CHIC1: variants seen among roughly 807,000 people sequenced by gnomAD.
The protein encoded by CHIC1 is cysteine rich hydrophobic domain 1.
In CHIC1, 7 loss-of-function variants were observed where a neutral mutation model predicts 18.5. That is an observed-to-expected ratio of 0.38 (90% CI 0.22 to 0.71). The LOEUF (loss-of-function observed/expected upper bound fraction) is 0.71. CHIC1 is among the 30% of genes least tolerant of loss of function. CHIC1 has a pLI of 0.49. For missense variants in CHIC1, 159 were observed against 176.9 expected (o/e 0.90, Z 0.57); for synonymous variants, 77 against 73.5 (o/e 1.05, Z -0.25).
chrX:73,670,865 G>A (rs2058026707), intron 3 of CHIC1, among the ~76,000 whole-genome samples: 1 of 111,498 alleles, frequency 9.0e-6, no homozygotes, highest in African/African-American at 3.3e-5. Context: ...TTCTGTGGTG[G>A]TCTGAGAAGA....
At chrX:73,644,825 C>T (rs1429620578) in intron 3 of CHIC1, among the ~76,000 whole-genome samples, 1 of 110,946 alleles carries the variant, frequency 9.0e-6, no homozygotes, top group Non-Finnish European at 1.9e-5. Flanking sequence ...TTTGGAAAAG[C>T]GCAGTATTAG....
intron 3 of CHIC1, among the ~76,000 whole-genome samples, chrX:73,647,441 C>G (rs1005219627): frequency 8.9e-5 from 10 of 112,087 alleles, no homozygotes; most frequent in Non-Finnish European, 1.7e-4. Flanking sequence ...CTGGGACTGA[C>G]AGCTGCCTAA....
chrX:73,575,800 C>G (rs2057494699), intron 1 of CHIC1, among the ~76,000 whole-genome samples: 1 of 109,459 alleles, frequency 9.1e-6, no homozygotes, highest in Non-Finnish European at 1.9e-5. Flanking sequence ...TTTTCAAATG[C>G]TATTCTTTGT....
chrX:73,563,194 T>G, upstream of CHIC1: 26 of 819,964 alleles, frequency 3.2e-5, no homozygotes, highest in Non-Finnish European at 3.8e-5. Flanking sequence ...ACCCCTCCTC[T>G]TTCTCTTCAT....
Position 73,601,584 on chromosome X carries a change from A to G in CHIC1, c.507+17012A>G, listed in dbSNP as rs1320010875. Among the ~76,000 whole-genome samples, 78 of 105,701 alleles carry G rather than the reference A, an allele frequency of 7.4e-4. 5 individuals carry two copies. Among genetic ancestry groups the G allele is most frequent in the African/African-American group, 2.6e-3 (70 of 26,891 alleles). The allele number at this position is 105,701 out of a possible 115,157, so 91.8% of individuals were successfully genotyped here. ...CAGTGTGTGGAGGGAAATTTATAGCACTAAATGCCCACAAGAGAAAGCAGG... is the reference window on the plus strand; with the variant it reads ...CAGTGTGTGGAGGGAAATTTATAGCGCTAAATGCCCACAAGAGAAAGCAGG... On this transcript the variant is annotated intron_variant, in intron 3 of 5. Transcript: ENST00000373502.
At chrX:73,565,564 C>A (rs979746530) in intron 1 of CHIC1, among the ~76,000 whole-genome samples, 8 of 111,690 alleles carry the variant, frequency 7.2e-5, no homozygotes, top group African/African-American at 2.6e-4. Context: ...ACTTTGGAAA[C>A]TTATTTAGTT....
At chrX:73,662,578 G>GT (rs759927503) in intron 3 of CHIC1, among the ~76,000 whole-genome samples, 8 of 107,137 alleles carry the variant, frequency 7.5e-5, no homozygotes, top group Non-Finnish European at 1.5e-4. Flanking sequence ...AACAGATTTT[G>GT]TAACTTATCA....
chrX:73,674,463 AG>A (rs749493123), intron 3 of CHIC1, among the ~76,000 whole-genome samples: 4 of 111,581 alleles, frequency 3.6e-5, no homozygotes, highest in Non-Finnish European at 7.5e-5. Context: ...TAGTCTTGGG[AG>A]GGTGTATGTG....
chrX:73,677,300 C>A (rs935708973), intron 3 of CHIC1, among the ~76,000 whole-genome samples: 2 of 112,282 alleles, frequency 1.8e-5, no homozygotes, highest in African/African-American at 6.5e-5. Context: ...TTACTGCTGT[C>A]TTTTTGTTTG....
At chrX:73,664,843 CTCA>C (rs1415176531) in intron 3 of CHIC1, among the ~76,000 whole-genome samples, 1 of 111,442 alleles carries the variant, frequency 9.0e-6, no homozygotes, top group Non-Finnish European at 1.9e-5. Flanking sequence ...GTTCGCACAA[CTCA>C]TCATATTCTG....
intron 3 of CHIC1, among the ~76,000 whole-genome samples, chrX:73,641,905 A>G (rs1399253654): frequency 1.8e-5 from 2 of 111,426 alleles, no homozygotes; most frequent in East Asian, 5.6e-4. Flanking sequence ...CATTTTCTTA[A>G]TCCAGTCTAT....
intron 3 of CHIC1, among the ~76,000 whole-genome samples, chrX:73,611,665 A>G (rs1472267776): frequency 9.3e-6 from 1 of 107,773 alleles, no homozygotes; most frequent in Non-Finnish European, 1.9e-5. Flanking sequence ...ATTTCTCCAC[A>G]TCCTCTCCAG....
chrX:73,587,340 G>A (rs928181815), intron 3 of CHIC1, among the ~76,000 whole-genome samples: 2 of 111,507 alleles, frequency 1.8e-5, no homozygotes, highest in Non-Finnish European at 3.8e-5. Context: ...GTGCGATTTC[G>A]CAGCTACATG....
At chrX:73,640,236 C>T (rs1211018422) in intron 3 of CHIC1, among the ~76,000 whole-genome samples, 1 of 111,845 alleles carries the variant, frequency 8.9e-6, no homozygotes, top group African/African-American at 3.2e-5. Context: ...GGGTTTTTAA[C>T]ATGACAGGAT....
intron 3 of CHIC1, among the ~76,000 whole-genome samples, chrX:73,677,925 G>A (rs1164048557): frequency 9.0e-6 from 1 of 110,717 alleles, no homozygotes; most frequent in African/African-American, 3.3e-5. Flanking sequence ...CCTTTTTCAG[G>A]AATTTCATAA....
In CHIC1 at chrX:73,682,000, A is replaced by G. The variant is rs2058101196; in HGVS notation, c.*995A>G. Reference sequence around the variant, plus strand: ...CACACAATTATGACTTTTAAGGAGTATTTTGAGATTTCAGACATCTTCAGA... The same window carrying G: ...CACACAATTATGACTTTTAAGGAGTGTTTTGAGATTTCAGACATCTTCAGA... On this transcript the variant is annotated 3_prime_UTR_variant, in exon 6 of 6. Transcript: ENST00000373502. The G allele has an allele frequency of 9.0e-6, 1 of 111,535 alleles. No homozygotes were observed. Among genetic ancestry groups the G allele is most frequent in the East Asian group, 2.8e-4 (1 of 3,565 alleles). 9.2% of individuals were successfully genotyped at this position (111,535 alleles called of 1,213,427 possible).
intron 3 of CHIC1, among the ~76,000 whole-genome samples, chrX:73,593,609 T>G (rs1156319661): frequency 8.9e-6 from 1 of 111,855 alleles, no homozygotes; most frequent in Non-Finnish European, 1.9e-5. Context: ...TGTTCCTTTT[T>G]TATAATTCTG....
rs147999703 is a variant in CHIC1, at chrX:73,590,471, A to G, written c.507+5899A>G. On this transcript the variant is annotated intron_variant, in intron 3 of 5. Coordinates refer to ENST00000373502, the MANE Select transcript of CHIC1 (RefSeq NM_001039840.4). ...GAGCCAATATTGATATATTATAATT[A>G]ACTAAAGTCCATGGTTTACATTAGG... is the stretch of plus-strand genomic sequence containing the variant. Among the ~76,000 whole-genome samples the G allele has an allele frequency of 5.1e-3, 562 of 111,178 alleles. 2 individuals carry two copies. The highest frequency in any genetic ancestry group is 0.017 in the African/African-American group (509 of 30,704).
chrX:73,623,188 G>A (rs1269147746), intron 3 of CHIC1, among the ~76,000 whole-genome samples: 6 of 111,191 alleles, frequency 5.4e-5, no homozygotes, highest in African/African-American at 2.0e-4. Context: ...TTCTTTAAAT[G>A]TCTATTAGTT....
Sources: allele counts gnomAD v4.1 joint callset (sites outside exome capture counted in the v4.1 genomes callset), GRCh38; gene constraint gnomAD v4.1.1; transcripts MANE v1.5; gene names NCBI Gene and HGNC (gene_info 2026-07-23, HGNC 2026-07-21).